The following KDM4C variants were observed in gnomAD, a reference collection of about 807,000 sequenced individuals.
KDM4C encodes lysine demethylase 4C.
Under a neutral mutation model 129.3 loss-of-function variants are expected in KDM4C, and 81 were observed. The observed-to-expected ratio is 0.63, with a 90% CI of 0.52 to 0.75. KDM4C has a LOEUF of 0.75. KDM4C is among the 30% of genes least tolerant of loss of function. The pLI is 0.00. For missense variants in KDM4C, 1,457 were observed against 1,304.0 expected (o/e 1.12, Z -1.81); for synonymous variants, 573 against 456.1 (o/e 1.26, Z -3.26).
chr9:7,159,308 A>T (rs1056657449), intron 19 of KDM4C, among the ~76,000 whole-genome samples: 2 of 152,178 alleles, frequency 1.3e-5, no homozygotes. Flanking sequence ...GTGTCTTTCA[A>T]TTGGGGCATT....
At chr9:6,872,790 TACAGC>T (rs1390308472) in intron 5 of KDM4C, among the ~76,000 whole-genome samples, 1 of 152,206 alleles carries the variant, frequency 6.6e-6, no homozygotes, top group Non-Finnish European at 1.5e-5. Context: ...GTCTCCTGAA[TACAGC>T]ACAGGCAAAG....
intron 8 of KDM4C, among the ~76,000 whole-genome samples, chr9:6,937,827 C>G (rs1272897133): frequency 6.6e-6 from 1 of 152,062 alleles, no homozygotes; most frequent in Admixed American, 6.5e-5. Context: ...TTTTCCTGCC[C>G]CAGCCTCCTG....
intron 17 of KDM4C, among the ~76,000 whole-genome samples, chr9:7,088,579 G>A (rs545659300): frequency 6.6e-6 from 1 of 152,066 alleles, no homozygotes; most frequent in Non-Finnish European, 1.5e-5. Flanking sequence ...AACATATGAG[G>A]GGTGGCTATT....
intron 12 of KDM4C, among the ~76,000 whole-genome samples, chr9:7,008,376 C>A (rs1822063373): frequency 6.6e-6 from 1 of 152,140 alleles, no homozygotes; most frequent in Admixed American, 6.6e-5. Flanking sequence ...CAGACCAGCA[C>A]CCACGGAGCC....
At chr9:7,098,190 T>G (rs1269848105) in intron 17 of KDM4C, among the ~76,000 whole-genome samples, 1 of 152,242 alleles carries the variant, frequency 6.6e-6, no homozygotes, top group Non-Finnish European at 1.5e-5. Context: ...CAGTGACTCA[T>G]TAGCCTTATT....
chr9:7,159,194 C>G (rs987057085), intron 19 of KDM4C, among the ~76,000 whole-genome samples: 26 of 152,102 alleles, frequency 1.7e-4, no homozygotes, highest in Non-Finnish European at 3.1e-4. Context: ...GTAGATCTTC[C>G]TCCATTCCTT....
chr9:6,777,957 C>G (rs1823443894), intron 1 of KDM4C, among the ~76,000 whole-genome samples: 1 of 148,618 alleles, frequency 6.7e-6, no homozygotes, highest in Admixed American at 6.7e-5. Flanking sequence ...GGATCTCACT[C>G]TTTCCCAGCC....
At chr9:6,735,373 C>A (rs560848019) in intron 1 of KDM4C, among the ~76,000 whole-genome samples, 2 of 152,330 alleles carry the variant, frequency 1.3e-5, no homozygotes, top group East Asian at 3.9e-4. Flanking sequence ...CCAATTAAAT[C>A]TCTCAGCTTT....
intron 3 of KDM4C, among the ~76,000 whole-genome samples, chr9:6,807,986 A>G (rs1160435279): frequency 3.7e-5 from 3 of 81,912 alleles, no homozygotes; most frequent in African/African-American, 1.1e-4. Flanking sequence ...TCCGGGAGGG[A>G]GGTGGGGGGG....
chr9:7,111,063 C>T (rs1490769604), intron 18 of KDM4C, among the ~76,000 whole-genome samples: 2 of 152,132 alleles, frequency 1.3e-5, no homozygotes, highest in Non-Finnish European at 1.5e-5. Context: ...CATCCGACTT[C>T]ATTCTTGCTG....
chr9:6,990,255 C>A (rs1380812072), intron 11 of KDM4C, among the ~76,000 whole-genome samples, 161 bp from the exon 12 acceptor site: 1 of 151,936 alleles, frequency 6.6e-6, no homozygotes, highest in Non-Finnish European at 1.5e-5. Flanking sequence ...TTTCTTTTGA[C>A]CTTAAGTTTA....
intron 1 of KDM4C, among the ~76,000 whole-genome samples, chr9:6,722,719 G>A (rs928546914): frequency 2.0e-5 from 3 of 151,944 alleles, no homozygotes; most frequent in Non-Finnish European, 4.4e-5. Context: ...CTCCATGTTG[G>A]TCAGGCTGGT....
rs182703812 is a variant in KDM4C at position 6,978,472 on chromosome 9, C to T, written c.922-2453C>T. ...TTTAATCCTCAAGTAACAAATCTTA[C>T]GACACATGGTGGCATGTTTCTGTAC... is the stretch of plus-strand genomic sequence containing the variant. On this transcript the variant is annotated intron_variant, in intron 8 of 21. Transcript: ENST00000381309. 1.3e-4 allele frequency among the ~76,000 whole-genome samples: 20 copies of T among 152,260 alleles called. No individual in the cohort carries two copies. In the East Asian group the frequency reaches 1.3e-3, roughly 10 times the overall value.
chr9:7,068,087 C>A (rs975867094), intron 17 of KDM4C, among the ~76,000 whole-genome samples: 1 of 152,178 alleles, frequency 6.6e-6, no homozygotes, highest in Non-Finnish European at 1.5e-5. Context: ...TGAGCCACCG[C>A]ACCCAGCTGA....
chr9:6,844,039 A>G (rs1837433176), intron 4 of KDM4C, among the ~76,000 whole-genome samples: 1 of 151,954 alleles, frequency 6.6e-6, no homozygotes, highest in Admixed American at 6.6e-5. Context: ...CTCTCTCTTT[A>G]TTGCCCAGGA....
intron 1 of KDM4C, among the ~76,000 whole-genome samples, chr9:6,739,530 CATT>C (rs1333853629): frequency 6.6e-6 from 1 of 152,090 alleles, no homozygotes; most frequent in Non-Finnish European, 1.5e-5. Flanking sequence ...CATCAAATAA[CATT>C]ATCCAGTAAA....
chr9:6,800,158 A>C (rs1828663444), intron 2 of KDM4C, among the ~76,000 whole-genome samples: 1 of 152,164 alleles, frequency 6.6e-6, no homozygotes, highest in Non-Finnish European at 1.5e-5. Flanking sequence ...ACTTGAGGCC[A>C]GGAGTTTGAG....
chr9:6,722,995 C>G (rs1817006384), intron 1 of KDM4C, among the ~76,000 whole-genome samples: 1 of 150,414 alleles, frequency 6.6e-6, no homozygotes, highest in African/African-American at 2.4e-5. Flanking sequence ...AATACACTGT[C>G]TCATAAAAAC....
intron 8 of KDM4C, among the ~76,000 whole-genome samples, chr9:6,909,870 A>G (rs1219333113): frequency 1.3e-5 from 2 of 152,198 alleles, no homozygotes; most frequent in African/African-American, 4.8e-5. Context: ...GTGGAGCAAG[A>G]CTTTTGAAGC....
Sources: allele counts gnomAD v4.1 joint callset (sites outside exome capture counted in the v4.1 genomes callset), GRCh38; gene constraint gnomAD v4.1.1; transcripts MANE v1.5; gene names NCBI Gene and HGNC (gene_info 2026-07-23, HGNC 2026-07-21).